Variants in BABAM2 observed in about 807,000 individuals in gnomAD.
BABAM2 encodes the protein BRISC and BRCA1 A complex member 2, also known as BRISC and BRCA1-A complex member 2.
Under a neutral mutation model 54.7 loss-of-function variants are expected in BABAM2, and 31 were observed. The ratio of observed to expected loss-of-function variants is 0.57; its 90% CI spans 0.43 to 0.77. The LOEUF is 0.77. BABAM2 is among the 30% of genes least tolerant of loss of function. BABAM2 has a pLI of 0.00. For synonymous variants in BABAM2, 167 were observed against 162.9 expected, an observed-to-expected ratio of 1.03 and a Z score of -0.19; for missense variants, 364 against 455.8, an observed-to-expected ratio of 0.80 and a Z score of 1.83.
chr2:28,202,388 A>ATGCCCC (rs928454208), intron 7 of BABAM2, among the ~76,000 whole-genome samples: 2 of 141,030 alleles, frequency 1.4e-5, no homozygotes, highest in Non-Finnish European at 3.1e-5. Flanking sequence ...CTTCCCTCCC[A>ATGCCCC]TGCCCCTGCC....
intron 4 of BABAM2, among the ~76,000 whole-genome samples, chr2:28,017,081 AC>A (rs1239584271): frequency 2.0e-5 from 3 of 152,206 alleles, no homozygotes; most frequent in African/African-American, 7.2e-5. Flanking sequence ...TGTCCACTTG[AC>A]TTTACAAAAT....
At chr2:27,944,653 A>AT (rs1262573615) in intron 3 of BABAM2, among the ~76,000 whole-genome samples, 2 of 150,264 alleles carry the variant, frequency 1.3e-5, no homozygotes, top group Non-Finnish European at 3.0e-5. Context: ...TTTTTTTTCT[A>AT]TTTTTTGGCT....
At chr2:27,892,076 C>G (rs1391325552) in intron 1 of BABAM2, among the ~76,000 whole-genome samples, 1 of 152,140 alleles carries the variant, frequency 6.6e-6, no homozygotes, top group Non-Finnish European at 1.5e-5. Flanking sequence ...ATGCTTTTCT[C>G]TTTGGTGATA....
intron 4 of BABAM2, among the ~76,000 whole-genome samples, chr2:27,999,161 A>T (rs1673389611): frequency 6.6e-6 from 1 of 152,146 alleles, no homozygotes; most frequent in African/African-American, 2.4e-5. Context: ...TATTTGTGGT[A>T]CCAGGCACAC....
At chr2:28,114,595 T>A (rs1031285464) in intron 6 of BABAM2, among the ~76,000 whole-genome samples, 1 of 152,362 alleles carries the variant, frequency 6.6e-6, no homozygotes. Flanking sequence ...TTATTATGCT[T>A]GTCACAATGC....
At chr2:27,914,553 G>C (rs1206602597) in intron 2 of BABAM2, among the ~76,000 whole-genome samples, 1 of 152,122 alleles carries the variant, frequency 6.6e-6, no homozygotes, top group African/African-American at 2.4e-5. Flanking sequence ...CCAAGTGTAG[G>C]GTTGAGTATT....
At chr2:28,096,721 C>A (rs1666661507) in intron 6 of BABAM2, among the ~76,000 whole-genome samples, 1 of 150,958 alleles carries the variant, frequency 6.6e-6, no homozygotes, top group South Asian at 2.1e-4. Context: ...CTCTTCTTAC[C>A]CTCCCCCACT....
intron 4 of BABAM2, among the ~76,000 whole-genome samples, chr2:28,003,531 A>G (rs1673727190): frequency 6.6e-6 from 1 of 152,158 alleles, no homozygotes; most frequent in Admixed American, 6.5e-5. Context: ...TTGAGGCTGC[A>G]GTGAGCTGAG....
In BABAM2 at chr2:28,025,279, G is replaced by A; in HGVS notation, c.354G>A (p.Lys118=). The change falls in exon 5 of 12, where the codon AAG becomes AAA. Residue 118 remains lysine (K), a synonymous_variant. Coordinates refer to ENST00000379624, the MANE Select transcript of BABAM2 (RefSeq NM_199191.3). ...SNPECLLLVV[K]ELVQQYHQFQ... ...CTGAATGTCTCTTACTTGTGGTGAA[G>A]GAACTTGTGCAACAATATCACCAAT... The A allele has an allele frequency of 6.2e-7, 1 of 1,610,012 alleles. No individual in the cohort carries two copies. Among genetic ancestry groups the A allele is most frequent in the Non-Finnish European group, 8.5e-7 (1 of 1,179,068 alleles).
At chr2:27,919,572 C>T (rs957633727) in intron 2 of BABAM2, among the ~76,000 whole-genome samples, 1 of 152,186 alleles carries the variant, frequency 6.6e-6, no homozygotes, top group South Asian at 2.1e-4. Flanking sequence ...TGTTTAATTT[C>T]ATCAAACACT....
chr2:27,944,610 T>G (rs777994064), intron 3 of BABAM2, among the ~76,000 whole-genome samples: 1 of 152,240 alleles, frequency 6.6e-6, no homozygotes, highest in Non-Finnish European at 1.5e-5. Context: ...ACCACAGTTT[T>G]TTATTTATTC....
At chr2:27,900,795 G>A (rs143896362) in intron 2 of BABAM2, among the ~76,000 whole-genome samples, 179 of 152,206 alleles carry the variant, frequency 1.2e-3, no homozygotes, top group African/African-American at 4.3e-3. Flanking sequence ...TGTAATCCCA[G>A]CACTTTGGGA....
intron 3 of BABAM2, among the ~76,000 whole-genome samples, chr2:27,985,813 T>C (rs1228016325): frequency 6.6e-6 from 1 of 152,194 alleles, no homozygotes; most frequent in Non-Finnish European, 1.5e-5. Context: ...ACACAGCGTG[T>C]CACAGTATCT....
intron 3 of BABAM2, among the ~76,000 whole-genome samples, chr2:27,943,446 C>T (rs1392285488): frequency 6.6e-6 from 1 of 152,160 alleles, no homozygotes; most frequent in Non-Finnish European, 1.5e-5. Flanking sequence ...CTGCTTTTGC[C>T]ACACTGTTTT....
chr2:28,241,489 T>A, intron 9 of BABAM2, 96 bp downstream of exon 9: 1 of 1,161,052 alleles, frequency 8.6e-7, no homozygotes, highest in Non-Finnish European at 1.3e-6. Context: ...CACTTAGTTC[T>A]TACACATGAT....
intron 3 of BABAM2, among the ~76,000 whole-genome samples, chr2:27,931,108 G>A (rs1668061009): frequency 6.6e-6 from 1 of 152,128 alleles, no homozygotes; most frequent in Admixed American, 6.5e-5. Context: ...AATGAGAAAT[G>A]TTGGACATGC....
chr2:28,208,029 CTGTGTGTGTGTGTGTGTGTGTG>C (rs4043353), intron 7 of BABAM2, among the ~76,000 whole-genome samples: 1 of 149,716 alleles, frequency 6.7e-6, no homozygotes, highest in Non-Finnish European at 1.5e-5. Flanking sequence ...GTGTTAAAGG[CTGTGTGTGTGTGTGTGTGTGTG>C]TGTGTGTGTG....
intron 3 of BABAM2, among the ~76,000 whole-genome samples, chr2:27,979,301 T>C (rs1671833675): frequency 1.3e-5 from 2 of 152,000 alleles, no homozygotes; most frequent in African/African-American, 4.8e-5. Flanking sequence ...CACAAAGTGC[T>C]GAGATTACAG....
intron 3 of BABAM2, among the ~76,000 whole-genome samples, chr2:27,969,116 T>C (rs1023326947): frequency 5.3e-5 from 8 of 152,158 alleles, no homozygotes; most frequent in Non-Finnish European, 1.0e-4. Flanking sequence ...GATGGTTCTA[T>C]AAGGGGGAGT....
Sources: gnomAD v4.1 joint callset for allele counts (sites outside exome capture counted in the v4.1 genomes callset) on GRCh38, gnomAD v4.1.1 for gene constraint, MANE v1.5 for transcripts, NCBI Gene and HGNC (gene_info 2026-07-23, HGNC 2026-07-21) for gene names.